PLA2G5: variants seen among roughly 807,000 people sequenced by gnomAD.
PLA2G5 encodes Ca2+-dependent phospholipase A2.
PLA2G5 carries 12 observed loss-of-function variants against 15.9 expected under a neutral mutation model. The observed-to-expected ratio is 0.76, with a 90% CI of 0.48 to 1.23. The LOEUF is 1.23. PLA2G5 is among the 50% of genes most tolerant of loss of function. The probability of loss-of-function intolerance (pLI) is 0.00; values close to 1 mark genes in which losing one functional copy is unlikely to be tolerated. For synonymous variants in PLA2G5, 71 were observed against 71.4 expected (o/e 0.99, Z 0.03); for missense variants, 169 against 177.1 (o/e 0.95, Z 0.26).
At chr1:20,066,456 T>C (rs1557739433), upstream of PLA2G5, among the ~76,000 whole-genome samples, 2 of 152,228 alleles carry the variant, frequency 1.3e-5, no homozygotes, top group Non-Finnish European at 2.9e-5. Context: ...AGTGGTATCA[T>C]GTTGGTAACT....
chr1:20,057,328 T>C (rs1394748371), intron 1 of PLA2G5, among the ~76,000 whole-genome samples: 1 of 152,010 alleles, frequency 6.6e-6, no homozygotes, highest in African/African-American at 2.4e-5. Flanking sequence ...TCTTTTTTTT[T>C]TTCTAATGTG....
intron 1 of PLA2G5, among the ~76,000 whole-genome samples, chr1:20,077,913 G>C (rs1009429304): frequency 2.0e-5 from 3 of 152,146 alleles, no homozygotes; most frequent in Non-Finnish European, 4.4e-5. Context: ...TTCTCTGTCC[G>C]GGACACCCCC....
intron 1 of PLA2G5, among the ~76,000 whole-genome samples, chr1:20,057,257 G>A (rs999278374): frequency 1.3e-5 from 2 of 148,834 alleles, no homozygotes; most frequent in African/African-American, 4.9e-5. Flanking sequence ...ACTTACTTTG[G>A]ACTTAATTTG....
intron 1 of PLA2G5, among the ~76,000 whole-genome samples, chr1:20,035,695 A>G (rs886779999): frequency 1.3e-5 from 2 of 152,210 alleles, no homozygotes; most frequent in African/African-American, 4.8e-5. Flanking sequence ...TCTTTTAAGT[A>G]GAGCATATAG....
At chr1:20,054,816 G>T (rs1245198315) in intron 1 of PLA2G5, 1 of 152,134 alleles carries the variant, frequency 6.6e-6, no homozygotes, top group African/African-American at 2.4e-5. Flanking sequence ...CAGATTCCTA[G>T]AAGTGGGATT....
chr1:20,046,982 G>T (rs1218647429), intron 1 of PLA2G5, among the ~76,000 whole-genome samples: 2 of 152,160 alleles, frequency 1.3e-5, no homozygotes, highest in Admixed American at 6.5e-5. Flanking sequence ...GTAAATGAGA[G>T]ACTGAGTTTT....
intron 1 of PLA2G5, among the ~76,000 whole-genome samples, chr1:20,084,479 G>T (rs932021376): frequency 6.6e-6 from 1 of 152,074 alleles, no homozygotes; most frequent in East Asian, 1.9e-4. Context: ...GCTTCTCCAC[G>T]TATGCCACCA....
At chr1:20,067,442 C>A (rs1390485681), upstream of PLA2G5, among the ~76,000 whole-genome samples, 1 of 152,152 alleles carries the variant, frequency 6.6e-6, no homozygotes, top group Non-Finnish European at 1.5e-5. Flanking sequence ...AATTCCAGCA[C>A]TTTGGGAGGC....
intron 1 of PLA2G5, among the ~76,000 whole-genome samples, chr1:20,035,967 A>G (rs894888609): frequency 4.6e-5 from 7 of 152,170 alleles, no homozygotes; most frequent in Non-Finnish European, 8.8e-5. Flanking sequence ...TGTTTGTCTG[A>G]AAAGGACTTT....
chr1:20,055,746 C>G (rs2014400013), intron 1 of PLA2G5, among the ~76,000 whole-genome samples: 1 of 152,190 alleles, frequency 6.6e-6, no homozygotes, highest in Non-Finnish European at 1.5e-5. Context: ...CCTAGCTCCT[C>G]TTAAAGTTGC....
Position 20,035,264 on chromosome 1 carries a change from G to A in PLA2G5, n.276+6555G>A, listed in dbSNP as rs184581281. Among the ~76,000 whole-genome samples the A allele has an allele frequency of 9.3e-4, 142 of 152,250 alleles. 1 individual carries two copies. Among genetic ancestry groups the A allele is most frequent in the East Asian group, 7.7e-4 (4 of 5,170 alleles). ...AGTTCCCACCACTACTTACAGGCTG[G>A]GGCAATTGATAGGCCTGGGTGGGAG... On this transcript the variant is annotated intron_variant and non_coding_transcript_variant, in intron 1 of 6. Transcript: ENST00000460175.
At chr1:20,057,114 T>C (rs2014471854) in intron 1 of PLA2G5, among the ~76,000 whole-genome samples, 1 of 152,134 alleles carries the variant, frequency 6.6e-6, no homozygotes, top group African/African-American at 2.4e-5. Flanking sequence ...TTTTCTTAGT[T>C]GCCTGGCTAG....
intron 1 of PLA2G5, among the ~76,000 whole-genome samples, chr1:20,036,899 A>G (rs1156581494): frequency 6.6e-6 from 1 of 152,130 alleles, no homozygotes; most frequent in African/African-American, 2.4e-5. Flanking sequence ...TCCCGACCTC[A>G]GCTGACCTGC....
Position 20,089,837 on chromosome 1 carries a change from C to A in PLA2G5, c.234C>A (p.Gly78=). 1 of 1,614,152 alleles carries A rather than the reference C, an allele frequency of 6.2e-7. No individual in the cohort carries two copies. Among genetic ancestry groups the A allele is most frequent in the Non-Finnish European group, 8.5e-7 (1 of 1,179,992 alleles). ...DHCYGRLEEK[G]CNIRTQSYKY... ...GCTATGGGCGGCTGGAGGAGAAGGG[C>A]TGCAACATTCGCACACAGTCCTACA... The change falls in exon 4 of 5, where the codon GGC becomes GGA. Residue 78 remains glycine (G), a synonymous_variant. Coordinates refer to ENST00000375108, the MANE Select transcript of PLA2G5 (RefSeq NM_000929.3).
chr1:20,088,262 C>G (rs2016394148), intron 3 of PLA2G5, among the ~76,000 whole-genome samples: 1 of 151,886 alleles, frequency 6.6e-6, no homozygotes, highest in African/African-American at 2.4e-5. Context: ...GAGGCTGAGG[C>G]AGGAGAATCA....
At chr1:20,081,527 G>C (rs993646165) in intron 1 of PLA2G5, among the ~76,000 whole-genome samples, 1 of 151,900 alleles carries the variant, frequency 6.6e-6, no homozygotes, top group Non-Finnish European at 1.5e-5. Context: ...GGCCTTTGCT[G>C]TGATCTCTGG....
At chr1:20,053,036 A>G (rs1345349700) in intron 1 of PLA2G5, among the ~76,000 whole-genome samples, 2 of 152,126 alleles carry the variant, frequency 1.3e-5, no homozygotes, top group Admixed American at 1.3e-4. Context: ...TTGATGTCTT[A>G]TGTCTCCCTA....
intron 1 of PLA2G5, chr1:20,059,487 T>C (rs1458703519): frequency 2.6e-5 from 4 of 151,750 alleles, no homozygotes; most frequent in Admixed American, 6.6e-5. Flanking sequence ...TACTGAACAA[T>C]AGGCTCAAAG....
chr1:20,044,972 G>C (rs554660927), intron 1 of PLA2G5, among the ~76,000 whole-genome samples: 2 of 152,110 alleles, frequency 1.3e-5, no homozygotes, highest in East Asian at 1.9e-4. Context: ...GGACTGATGT[G>C]TAAAAGAATG....
Sources: allele counts gnomAD v4.1 joint callset (sites outside exome capture counted in the v4.1 genomes callset), GRCh38; gene constraint gnomAD v4.1.1; transcripts MANE v1.5; gene names NCBI Gene and HGNC (gene_info 2026-07-23, HGNC 2026-07-21).